RFX7: variants seen among roughly 807,000 people sequenced by gnomAD.
RFX7 encodes DNA-binding protein RFX7.
Under a neutral mutation model 111.8 loss-of-function variants are expected in RFX7, and 26 were observed. That is an observed-to-expected ratio of 0.23 (90% CI 0.17 to 0.32). The LOEUF is 0.32. RFX7 is among the 10% of genes least tolerant of loss of function. The pLI is 1.00. For synonymous variants in RFX7, 624 were observed against 624.4 expected (o/e 1.00, Z 0.01); for missense variants, 1,573 against 1,772.9 (o/e 0.89, Z 2.02).
chr15:56,113,504 G>C (rs1016359503), intron 5 of RFX7, among the ~76,000 whole-genome samples: 1 of 152,084 alleles, frequency 6.6e-6, no homozygotes, highest in Non-Finnish European at 1.5e-5. Context: ...TGTTGCGGGG[G>C]CGGTGAGGGG....
chr15:56,140,604 A>G (rs986874878), intron 5 of RFX7, among the ~76,000 whole-genome samples: 5 of 152,118 alleles, frequency 3.3e-5, no homozygotes, highest in Admixed American at 1.3e-4. Flanking sequence ...AGCTGTTCCT[A>G]TTCGGCCATC....
At chr15:56,133,951 G>C (rs1184480254) in intron 5 of RFX7, among the ~76,000 whole-genome samples, 1 of 152,040 alleles carries the variant, frequency 6.6e-6, no homozygotes, top group African/African-American at 2.4e-5. Flanking sequence ...CATATTATTT[G>C]TATGCACGTA....
Position 56,123,765 on chromosome 15 carries a change from C to T in RFX7, c.401+19013G>A, listed in dbSNP as rs181768075. ...TCCAACCACTGGGATGAGAGATTTC[C>T]TTTCTGGCTAGGGCTGGTCTGAATG... On this transcript the variant is annotated intron_variant, in intron 5 of 9. Transcript: ENST00000559447. Among the ~76,000 whole-genome samples the T allele has an allele frequency of 7.2e-5, 11 of 152,294 alleles. No individual in the cohort carries two copies. In the East Asian group the frequency reaches 2.1e-3, roughly 29 times the overall value.
chr15:56,102,395 A>C, intron 6 of RFX7, 142 bp from the exon 7 acceptor site: 1 of 525,856 alleles, frequency 1.9e-6, no homozygotes, highest in Non-Finnish European at 3.3e-6. Context: ...AGTAAGAAAA[A>C]CCTTAATATT....
At chr15:56,129,561 A>G (rs985359614) in intron 5 of RFX7, among the ~76,000 whole-genome samples, 1 of 152,200 alleles carries the variant, frequency 6.6e-6, no homozygotes, top group Non-Finnish European at 1.5e-5. Flanking sequence ...ACATAGGAAT[A>G]TGGATATTCT....
chr15:56,109,057 C>A (rs1460924299), intron 5 of RFX7, among the ~76,000 whole-genome samples: 1 of 151,934 alleles, frequency 6.6e-6, no homozygotes, highest in Non-Finnish European at 1.5e-5. Context: ...CCCTCTGCCT[C>A]TCCCTCTCCC....
intron 2 of RFX7, among the ~76,000 whole-genome samples, chr15:56,234,284 T>A (rs1002823515): frequency 3.3e-5 from 5 of 152,222 alleles, no homozygotes; most frequent in Non-Finnish European, 7.4e-5. Context: ...TGTCTTATAC[T>A]TTTTTAACCT....
At chr15:56,201,943 G>A (rs2947023) in intron 2 of RFX7, among the ~76,000 whole-genome samples, 90,184 of 151,918 alleles carry the variant, frequency 0.59, 27,404 homozygotes, top group East Asian at 0.86. Context: ...AGGCAGGAGA[G>A]TGGCATGAAC....
At chr15:56,212,842 G>GA (rs1192280276) in intron 2 of RFX7, among the ~76,000 whole-genome samples, 5 of 152,020 alleles carry the variant, frequency 3.3e-5, no homozygotes, top group African/African-American at 9.7e-5. Context: ...CAAAATACTT[G>GA]AAAAAATATA....
chr15:56,202,209 A>G (rs1442308820), intron 2 of RFX7, among the ~76,000 whole-genome samples: 2 of 152,200 alleles, frequency 1.3e-5, no homozygotes, highest in Admixed American at 6.5e-5. Context: ...CAATAGAAAT[A>G]TAATACAAAC....
intron 3 of RFX7, among the ~76,000 whole-genome samples, chr15:56,173,727 G>A (rs1226336182): frequency 6.6e-6 from 1 of 152,118 alleles, no homozygotes; most frequent in Non-Finnish European, 1.5e-5. Flanking sequence ...CCAGGCAGCA[G>A]AGGTTGCAGT....
intron 5 of RFX7, among the ~76,000 whole-genome samples, chr15:56,126,659 A>G (rs2042149715): frequency 6.6e-6 from 1 of 152,230 alleles, no homozygotes; most frequent in African/African-American, 2.4e-5. Flanking sequence ...TCTATATACT[A>G]CATACATACT....
rs1449595772 is a variant in RFX7 at position 56,218,564 on chromosome 15, G to C, written c.161+24561C>G. Among the ~76,000 whole-genome samples the C allele has an allele frequency of 3.9e-5, 6 of 152,202 alleles. No individual in the cohort carries two copies. In the East Asian group the frequency reaches 9.6e-4, roughly 24 times the overall value. On this transcript the variant is annotated intron_variant, in intron 2 of 9. Coordinates refer to ENST00000559447, the MANE Select transcript of RFX7 (RefSeq NM_022841.7). ...CTGGAACCAATTCCCCACAGATACA[G>C]AGGGACTGCTCGCTGTATGGCATCT...
chr15:56,160,777 G>C (rs1478194040), intron 3 of RFX7: 1 of 152,024 alleles, frequency 6.6e-6, no homozygotes, highest in Non-Finnish European at 1.5e-5. Context: ...GGAAGATAGA[G>C]AAAAAGGTCA....
At chr15:56,223,850 A>G (rs906811849) in intron 2 of RFX7, among the ~76,000 whole-genome samples, 5 of 152,288 alleles carry the variant, frequency 3.3e-5, no homozygotes, top group South Asian at 2.1e-4. Flanking sequence ...GAAAACCCAC[A>G]TATCAGTGGA....
intron 2 of RFX7, among the ~76,000 whole-genome samples, chr15:56,209,340 A>G (rs2043287844): frequency 6.6e-6 from 1 of 151,944 alleles, no homozygotes; most frequent in Non-Finnish European, 1.5e-5. Flanking sequence ...ATGTTCTTTC[A>G]AAAGTGAAGA....
At chr15:56,129,557 G>A (rs953934198) in intron 5 of RFX7, among the ~76,000 whole-genome samples, 1 of 152,106 alleles carries the variant, frequency 6.6e-6, no homozygotes, top group Non-Finnish European at 1.5e-5. Flanking sequence ...AAGCACATAG[G>A]AATATGGATA....
chr15:56,130,617 G>A (rs2042199193), intron 5 of RFX7, among the ~76,000 whole-genome samples: 1 of 151,292 alleles, frequency 6.6e-6, no homozygotes. Context: ...ACAAAGTTAA[G>A]CATTCCATTT....
At chr15:56,136,209 T>A (rs1320303950) in intron 5 of RFX7, among the ~76,000 whole-genome samples, 4 of 150,436 alleles carry the variant, frequency 2.7e-5, no homozygotes, top group African/African-American at 7.4e-5. Context: ...CCTTGGGCAG[T>A]ATGGCCATTT....
Sources: allele counts gnomAD v4.1 joint callset (sites outside exome capture counted in the v4.1 genomes callset), GRCh38; gene constraint gnomAD v4.1.1; transcripts MANE v1.5; gene names NCBI Gene and HGNC (gene_info 2026-07-23, HGNC 2026-07-21).